RRP1B: variants seen among roughly 807,000 people sequenced by gnomAD.
The protein encoded by RRP1B is ribosomal RNA processing 1B, also known as ribosomal RNA processing protein 1 homolog B.
A neutral mutation model predicts 80.2 loss-of-function variants in RRP1B; 56 were observed. That is an observed-to-expected ratio of 0.70 (90% CI 0.56 to 0.87). RRP1B has a LOEUF of 0.87. Among genes scored for constraint, RRP1B ranks in the 40% least tolerant of loss-of-function variants. The pLI, the probability that RRP1B is intolerant of heterozygous loss-of-function variation, is 0.00. For synonymous variants in RRP1B, 351 were observed against 357.6 expected, an observed-to-expected ratio of 0.98 and a Z score of 0.21; for missense variants, 807 against 939.8, an observed-to-expected ratio of 0.86 and a Z score of 1.85.
chr21:43,690,466 A>G (rs1568961245), intron 14 of RRP1B, 26 bp downstream of exon 14: 2 of 1,609,960 alleles, frequency 1.2e-6, no homozygotes, highest in Non-Finnish European at 1.7e-6. Context: ...AGAGTGGCAC[A>G]GCACATTTCA....
Position 43,659,614 on chromosome 21 carries a change from G to A in RRP1B, c.-51G>A. 3 of 1,395,346 alleles carry A rather than the reference G, an allele frequency of 2.2e-6. No individual in the cohort carries two copies. The highest frequency in any genetic ancestry group is 3.1e-5 in the East Asian group (1 of 32,532). The allele number at this position is 1,395,346 out of a possible 1,614,324, so 86.4% of individuals were successfully genotyped here. ...GCTGGCTGCTCCGCAGCGCTCGGCT[G>A]GCTGCAGCGGCACCGCGGGTTGCGC... On this transcript the variant is annotated 5_prime_UTR_variant, in exon 1 of 16. Coordinates refer to ENST00000340648, the MANE Select transcript of RRP1B (RefSeq NM_015056.3). This position sits in a 1 kb window ranked among gnomAD's most constrained non-coding sequence, Gnocchi z 4.2.
rs138445526 is a variant in RRP1B, at chr21:43,676,088, G to A, written c.550-184G>A. Among the ~76,000 whole-genome samples the A allele has an allele frequency of 1.5e-3, 224 of 152,166 alleles. 2 individuals carry two copies. Among genetic ancestry groups the A allele is most frequent in the African/African-American group, 5.1e-3 (213 of 41,514 alleles). ...CTAAGATACCAAGTAGCTGGAGGGC[G>A]GCCTCAGTCTTCAGCCTGGCTCCAG... On this transcript the variant is annotated intron_variant, in intron 6 of 15. Coordinates refer to ENST00000340648, the MANE Select transcript of RRP1B (RefSeq NM_015056.3).
Position 43,673,863 on chromosome 21 carries a change from A to G in RRP1B, c.272-7A>G, listed in dbSNP as rs752968047. 15 of 1,606,612 alleles carry G rather than the reference A, an allele frequency of 9.3e-6. No homozygotes were observed. Among genetic ancestry groups the G allele is most frequent in the Admixed American group, 1.7e-5 (1 of 59,766 alleles). Reference sequence around the variant, plus strand: ...GCCAAGTATTTAGAGCCTTTTGTTCACTGCAGAACACCTGTTCATTCAGAC... The same window carrying G: ...GCCAAGTATTTAGAGCCTTTTGTTCGCTGCAGAACACCTGTTCATTCAGAC... On this transcript the variant is annotated splice_region_variant and splice_polypyrimidine_tract_variant and intron_variant, in intron 3 of 15. Coordinates refer to ENST00000340648, the MANE Select transcript of RRP1B (RefSeq NM_015056.3).
At chr21:43,661,794 C>G (rs1400862088) in intron 1 of RRP1B, among the ~76,000 whole-genome samples, 1 of 152,232 alleles carries the variant, frequency 6.6e-6, no homozygotes, top group Non-Finnish European at 1.5e-5. Flanking sequence ...CATGTTCCGT[C>G]AACAGAATCG....
intron 7 of RRP1B, 119 bp from the exon 8 acceptor site, chr21:43,676,614 C>A: frequency 1.1e-6 from 1 of 936,240 alleles, no homozygotes; most frequent in Non-Finnish European, 1.6e-6. Context: ...TGCTTGCTGG[C>A]CCGTGGGGGC....
intron 5 of RRP1B, 125 bp from the exon 6 acceptor site, chr21:43,674,909 A>T: frequency 7.5e-7 from 1 of 1,335,396 alleles, no homozygotes; most frequent in Non-Finnish European, 1.0e-6. Flanking sequence ...TCCTTGTAAA[A>T]TGATTTCAGC....
intron 1 of RRP1B, among the ~76,000 whole-genome samples, chr21:43,662,545 G>C (rs1170330038): frequency 1.3e-5 from 2 of 152,196 alleles, no homozygotes; most frequent in Non-Finnish European, 2.9e-5. Flanking sequence ...AAGGAAATGT[G>C]AGCTATCACT....
chr21:43,690,343 A>G lies in RRP1B; in HGVS notation c.1922A>G (p.Asp641Gly). 1 of 1,614,214 alleles carries G rather than the reference A, an allele frequency of 6.2e-7. No individual in the cohort carries two copies. Among genetic ancestry groups the G allele is most frequent in the Middle Eastern group, 1.6e-4 (1 of 6,062 alleles). The change falls in exon 14 of 16, where the codon GAC (aspartate) becomes GGC (glycine). Residue 641 changes from aspartate (D) to glycine (G), a missense_variant. By Grantham distance (94) the Asp-to-Gly change is moderately conservative. Coordinates refer to ENST00000340648, the MANE Select transcript of RRP1B (RefSeq NM_015056.3). ...LKKQKLRAES[D>G]FVKFDTPFLP... ...AAGCAGAAGCTGAGGGCAGAGAGCG[A>G]CTTTGTGAAGTTTGACACCCCCTTC...
chr21:43,661,313 C>G (rs1160471613), intron 1 of RRP1B, among the ~76,000 whole-genome samples: 11 of 152,170 alleles, frequency 7.2e-5, no homozygotes. Flanking sequence ...TACCTGGCAC[C>G]TCACACTCAG....
intron 10 of RRP1B, among the ~76,000 whole-genome samples, chr21:43,685,423 A>G (rs573355452): frequency 6.6e-5 from 10 of 152,356 alleles, no homozygotes; most frequent in African/African-American, 2.4e-4. Context: ...GGAGAATTGA[A>G]TATGAGAGAG....
chr21:43,673,460 C>A (rs1360876637), intron 3 of RRP1B, among the ~76,000 whole-genome samples: 2 of 151,858 alleles, frequency 1.3e-5, no homozygotes, highest in African/African-American at 4.8e-5. Flanking sequence ...ATGGTTAAAC[C>A]CCGTCTTTAC....
At chr21:43,682,982 C>T (rs1054472331) in intron 8 of RRP1B, among the ~76,000 whole-genome samples, 3 of 152,184 alleles carry the variant, frequency 2.0e-5, no homozygotes, top group Admixed American at 6.5e-5. Context: ...AAGCGATTCT[C>T]ATGCCTCAGC....
chr21:43,688,255 C>G lies in RRP1B; in HGVS notation c.1866+15C>G. On this transcript the variant is annotated intron_variant, in intron 13 of 15. Coordinates refer to ENST00000340648, the MANE Select transcript of RRP1B (RefSeq NM_015056.3). ...CCCAGGCTCTGGTAAGGTGGGAGCA[C>G]CCACAGGCCAGCTCGCCACAGAGGC... 1 of 1,515,546 alleles carries G rather than the reference C, an allele frequency of 6.6e-7. No homozygotes were observed. Among genetic ancestry groups the G allele is most frequent in the Non-Finnish European group, 8.9e-7 (1 of 1,128,018 alleles). The allele number at this position is 1,515,546 out of a possible 1,614,324, so 93.9% of individuals were successfully genotyped here.
chr21:43,676,811 G>A lies in RRP1B; in HGVS notation c.693G>A (p.Thr231=), dbSNP rs201787984. 3.0e-5 allele frequency: 49 copies of A among 1,614,118 alleles called. No individual in the cohort carries two copies. The highest frequency in any genetic ancestry group is 1.6e-4 in the Middle Eastern group (1 of 6,084). Residue 231 remains threonine, a synonymous_variant, in exon 8 of 16, where the codon ACG becomes ACA. Transcript: ENST00000340648. ...AGTCTCCTTTTGTGCCTGAAGAGAC[G>A]ATGGAGGAACAGAAGACAAAAGTGG... ...VDQSPFVPEE[T]MEEQKTKVGD...
chr21:43,669,533 G>T (rs769297685), intron 1 of RRP1B, among the ~76,000 whole-genome samples: 3 of 152,170 alleles, frequency 2.0e-5, no homozygotes, highest in Non-Finnish European at 4.4e-5. Context: ...CAAGACCAGC[G>T]AAAATGTCAG....
chr21:43,663,089 A>G lies in RRP1B; in HGVS notation c.130+3295A>G, dbSNP rs143107400. 2.4e-3 allele frequency among the ~76,000 whole-genome samples: 369 copies of G among 152,356 alleles called. 1 individual carries two copies. Among genetic ancestry groups the G allele is most frequent in the African/African-American group, 8.0e-3 (333 of 41,580 alleles). On this transcript the variant is annotated intron_variant, in intron 1 of 15. Transcript: ENST00000340648. ...TCTCTCTATCCAAGAGTTATAATAAATAGAAGTTGTGGATGTTCTGACACT... is the reference window on the plus strand; with the variant it reads ...TCTCTCTATCCAAGAGTTATAATAAGTAGAAGTTGTGGATGTTCTGACACT...
chr21:43,690,356 T>A lies in RRP1B; in HGVS notation c.1935T>A (p.Phe645Leu), dbSNP rs1269286079. The A allele has an allele frequency of 6.2e-7, 1 of 1,614,206 alleles. No individual in the cohort carries two copies. Among genetic ancestry groups the A allele is most frequent in the Admixed American group, 1.7e-5 (1 of 60,020 alleles). Residue 645 changes from phenylalanine (F) to leucine (L), a missense_variant, in exon 14 of 16, where the codon TTT becomes TTA. Phe to Leu is a conservative substitution (Grantham distance 22). Transcript: ENST00000340648. The stretch of plus-strand genomic sequence containing the variant: ...GGGCAGAGAGCGACTTTGTGAAGTT[T>A]GACACCCCCTTCTTACCAAAGCCCC... ...KLRAESDFVK[F>L]DTPFLPKPLF... is the part of the protein sequence containing the mutation.
At position 43,666,609 on chromosome 21, in the gene RRP1B, G is replaced by A. The variant is rs572468953; in HGVS notation, c.131-3275G>A. Reference sequence around the variant, plus strand: ...GGCAGGTGCGTGTAATCCCAGCTACGTGGGAGGCTGAGGCAGGAGAATCGC... The same window carrying A: ...GGCAGGTGCGTGTAATCCCAGCTACATGGGAGGCTGAGGCAGGAGAATCGC... On this transcript the variant is annotated intron_variant, in intron 1 of 15. Transcript: ENST00000340648. 1.3e-4 allele frequency among the ~76,000 whole-genome samples: 20 copies of A among 152,070 alleles called. No individual in the cohort carries two copies. The South Asian group carries it at 3.5e-3, about 27-fold the overall frequency.
chr21:43,674,547 C>T, intron 4 of RRP1B, 89 bp from the exon 5 acceptor site: 2 of 920,574 alleles, frequency 2.2e-6, no homozygotes, highest in Non-Finnish European at 3.2e-6. Context: ...TTCATTGGTC[C>T]CTTCATTCTG....
Sources: allele counts gnomAD v4.1 joint callset (sites outside exome capture counted in the v4.1 genomes callset), GRCh38; gene constraint gnomAD v4.1.1; non-coding constraint Gnocchi (gnomAD v3.1); transcripts MANE v1.5; gene names NCBI Gene and HGNC (gene_info 2026-07-23, HGNC 2026-07-21).